The following ATP8A2 variants were observed in gnomAD, a reference collection of about 807,000 sequenced individuals.
The protein encoded by ATP8A2 is phospholipid-transporting ATPase IB.
ATP8A2 carries 100 observed loss-of-function variants against 165.6 expected under a neutral mutation model. That is an observed-to-expected ratio of 0.60 (90% CI 0.51 to 0.71). The LOEUF (loss-of-function observed/expected upper bound fraction) is 0.71, where lower values mean the gene tolerates loss of function less well. Among genes scored for constraint, ATP8A2 ranks in the 30% least tolerant of loss-of-function variants. ATP8A2 has a pLI of 0.00. For missense variants in ATP8A2, 1,227 were observed against 1,479.5 expected, an observed-to-expected ratio of 0.83 and a Z score of 2.80; for synonymous variants, 543 against 548.8, an observed-to-expected ratio of 0.99 and a Z score of 0.15.
intron 25 of ATP8A2, among the ~76,000 whole-genome samples, chr13:25,725,686 C>T (rs1252207909): frequency 1.3e-5 from 2 of 152,174 alleles, no homozygotes; most frequent in Non-Finnish European, 2.9e-5. Flanking sequence ...AAGTGGCGTG[C>T]CTTAGCTGTG....
chr13:25,645,619 T>G (rs2041652540), intron 24 of ATP8A2, among the ~76,000 whole-genome samples: 1 of 152,182 alleles, frequency 6.6e-6, no homozygotes, highest in African/African-American at 2.4e-5. Context: ...TGTGTTTCCT[T>G]TTTTGTTTGT....
intron 30 of ATP8A2, among the ~76,000 whole-genome samples, chr13:25,843,424 G>A (rs889219883): frequency 3.3e-5 from 5 of 152,126 alleles, no homozygotes; most frequent in Admixed American, 1.3e-4. Context: ...CAAACTGTAA[G>A]GTGATGGTAT....
chr13:25,463,800 C>T (rs936436519), intron 1 of ATP8A2, among the ~76,000 whole-genome samples: 1 of 152,214 alleles, frequency 6.6e-6, no homozygotes. Context: ...AGAGCTAGAG[C>T]TGGTGGAAGG....
chr13:25,735,183 A>G (rs1197702794), intron 25 of ATP8A2, among the ~76,000 whole-genome samples: 2 of 152,196 alleles, frequency 1.3e-5, no homozygotes, highest in Non-Finnish European at 2.9e-5. Context: ...AATGGCAAGG[A>G]AGAAATGATT....
chr13:25,580,527 C>T lies in ATP8A2; in HGVS notation c.2007+580C>T, dbSNP rs113960112. Among the ~76,000 whole-genome samples the T allele has an allele frequency of 4.6e-3, 684 of 150,044 alleles. 6 individuals carry two copies. Among genetic ancestry groups the T allele is most frequent in the Non-Finnish European group, 8.3e-3 (559 of 67,310 alleles). ...GCCATCCAATTTCCAGTTTCTATAA[C>T]TTTTTTTTTTAAATATAGAGACAGG... On this transcript the variant is annotated intron_variant, in intron 22 of 36. Transcript: ENST00000381655.
chr13:25,801,173 T>C (rs911712948), intron 27 of ATP8A2, among the ~76,000 whole-genome samples: 1 of 152,160 alleles, frequency 6.6e-6, no homozygotes, highest in Non-Finnish European at 1.5e-5. Flanking sequence ...GCCTAGATGC[T>C]CCACCTCCAG....
chr13:25,812,654 T>C (rs1231064017), intron 27 of ATP8A2, among the ~76,000 whole-genome samples: 2 of 151,288 alleles, frequency 1.3e-5, no homozygotes, highest in Non-Finnish European at 2.9e-5. Context: ...ATTTACCATT[T>C]CTGTGAAGTA....
intron 24 of ATP8A2, among the ~76,000 whole-genome samples, chr13:25,601,890 A>G (rs2040397641): frequency 6.6e-6 from 1 of 152,244 alleles, no homozygotes; most frequent in African/African-American, 2.4e-5. Flanking sequence ...GTGCTTTTTC[A>G]TGAGTGCCTA....
intron 2 of ATP8A2, among the ~76,000 whole-genome samples, chr13:25,520,787 A>T (rs189089230): frequency 1.3e-3 from 177 of 137,444 alleles, no homozygotes; most frequent in East Asian, 9.0e-3. Flanking sequence ...ATATATATAT[A>T]TTTTTTTTAG....
At chr13:26,003,347 T>C (rs778246623) in intron 35 of ATP8A2, among the ~76,000 whole-genome samples, 37 of 75,926 alleles carry the variant, frequency 4.9e-4, no homozygotes, top group Non-Finnish European at 8.9e-4. Context: ...AAATGTCTAT[T>C]CAGGTCCTTT....
chr13:25,553,905 C>G lies in ATP8A2; in HGVS notation c.1170C>G (p.Ala390=), dbSNP rs2038898557. 1.9e-6 allele frequency: 3 copies of G among 1,613,136 alleles called. No homozygotes were observed. Among genetic ancestry groups the G allele is most frequent in the Non-Finnish European group, 2.5e-6 (3 of 1,179,530 alleles). ...TTGAGGTTGTGAAGTATACTCAAGC[C>G]CTTTTCATAAACTGGGTGAGTATTA... The part of the protein sequence containing the change: ...VTLEVVKYTQ[A]LFINWDTDMY... The change falls in exon 12 of 37, where the codon GCC becomes GCG. Residue 390 remains alanine, a synonymous_variant. Coordinates refer to ENST00000381655, the MANE Select transcript of ATP8A2 (RefSeq NM_016529.6).
intron 30 of ATP8A2, among the ~76,000 whole-genome samples, chr13:25,852,411 T>G (rs931818158): frequency 1.3e-5 from 2 of 152,114 alleles, no homozygotes; most frequent in African/African-American, 4.8e-5. Flanking sequence ...CCACACCAAC[T>G]CAGAATAAAA....
At chr13:25,412,539 A>C (rs2033998732) in intron 1 of ATP8A2, among the ~76,000 whole-genome samples, 2 of 152,332 alleles carry the variant, frequency 1.3e-5, no homozygotes, top group Admixed American at 1.3e-4. Context: ...AACACCTACT[A>C]TCCACAGAAC....
At chr13:25,478,488 C>G (rs182604982) in intron 2 of ATP8A2, among the ~76,000 whole-genome samples, 25 of 152,266 alleles carry the variant, frequency 1.6e-4, no homozygotes, top group African/African-American at 5.3e-4. Context: ...GGATGTTTAA[C>G]AAAGAAATTT....
chr13:25,866,154 C>T (rs549118940), intron 33 of ATP8A2, among the ~76,000 whole-genome samples: 1 of 152,190 alleles, frequency 6.6e-6, no homozygotes, highest in African/African-American at 2.4e-5. Context: ...GCACTTCTGA[C>T]TTTAGTAGTG....
intron 1 of ATP8A2, among the ~76,000 whole-genome samples, chr13:25,416,751 A>G (rs565968224): frequency 2.6e-5 from 4 of 152,336 alleles, no homozygotes; most frequent in South Asian, 2.1e-4. Context: ...TAAATTGTCA[A>G]TACTACTTCC....
intron 33 of ATP8A2, among the ~76,000 whole-genome samples, chr13:25,949,044 C>T (rs780972697): frequency 1.8e-4 from 27 of 152,270 alleles, no homozygotes; most frequent in South Asian, 6.2e-4. Context: ...CTCCTGACTT[C>T]ATCCCCCTCT....
chr13:25,523,249 T>G (rs1003576158), intron 2 of ATP8A2, among the ~76,000 whole-genome samples: 7 of 151,972 alleles, frequency 4.6e-5, no homozygotes, highest in Admixed American at 2.0e-4. Flanking sequence ...GATCTTCAAT[T>G]TTTTTTCAAG....
At chr13:25,853,198 G>A (rs2138719301) in intron 30 of ATP8A2, among the ~76,000 whole-genome samples, 1 of 151,724 alleles carries the variant, frequency 6.6e-6, no homozygotes, top group South Asian at 2.1e-4. Context: ...AGACCAGCCT[G>A]GCCAATATGG....
Sources: gnomAD v4.1 joint callset for allele counts (sites outside exome capture counted in the v4.1 genomes callset) on GRCh38, gnomAD v4.1.1 for gene constraint, MANE v1.5 for transcripts, NCBI Gene and HGNC (gene_info 2026-07-23, HGNC 2026-07-21) for gene names.